CAST: variants seen among roughly 807,000 people sequenced by gnomAD.
CAST encodes the protein calpastatin.
CAST carries 76 observed loss-of-function variants against 119.6 expected under a neutral mutation model. The observed-to-expected ratio is 0.64, with a 90% CI of 0.53 to 0.77. CAST has a LOEUF of 0.77. CAST is among the 30% of genes least tolerant of loss of function. The probability of loss-of-function intolerance (pLI) is 0.00; values close to 1 mark genes in which losing one functional copy is unlikely to be tolerated. For missense variants in CAST, 953 were observed against 946.5 expected (o/e 1.01, Z -0.09); for synonymous variants, 319 against 331.6 (o/e 0.96, Z 0.41).
intron 1 of CAST, among the ~76,000 whole-genome samples, chr5:96,663,931 T>C (rs962192989): frequency 6.8e-5 from 9 of 132,594 alleles, no homozygotes; most frequent in Non-Finnish European, 1.2e-4. Context: ...TAACATTAGA[T>C]TGCTTTCCAA....
the CAST span, among the ~76,000 whole-genome samples, chr5:96,349,097 C>A: frequency 7.6e-6 from 1 of 132,222 alleles, no homozygotes; most frequent in African/African-American, 2.9e-5. Flanking sequence ...TTTTTTTTTT[C>A]TGGTCTCTCT....
At chr5:96,148,627 G>A in the CAST span, among the ~76,000 whole-genome samples, 11 of 152,276 alleles carry the variant, frequency 7.2e-5, no homozygotes, top group African/African-American at 2.4e-4. Flanking sequence ...ATGTGCTTAG[G>A]CCAACACATC....
chr5:96,216,313 C>G, the CAST span, among the ~76,000 whole-genome samples: 3 of 152,058 alleles, frequency 2.0e-5, no homozygotes, highest in Admixed American at 6.6e-5. Flanking sequence ...TCCCCTAACC[C>G]CCACATTGTT....
chr5:96,345,289 T>C, the CAST span, among the ~76,000 whole-genome samples: 1 of 151,946 alleles, frequency 6.6e-6, no homozygotes, highest in African/African-American at 2.4e-5. Flanking sequence ...CCTAACCTAC[T>C]CTTTTTTGAA....
intron 1 of CAST, among the ~76,000 whole-genome samples, chr5:96,591,153 A>G (rs1036556223): frequency 1.1e-4 from 16 of 152,226 alleles, no homozygotes; most frequent in Non-Finnish European, 1.9e-4. Flanking sequence ...GAACAGCAAA[A>G]GAAGAGAAGA....
the CAST span, among the ~76,000 whole-genome samples, chr5:96,050,759 C>A: frequency 6.6e-6 from 1 of 152,070 alleles, no homozygotes; most frequent in African/African-American, 2.4e-5. Context: ...CTCCCTCTTG[C>A]AGCTGTGGGA....
chr5:96,378,001 A>G, the CAST span, among the ~76,000 whole-genome samples: 3 of 152,184 alleles, frequency 2.0e-5, no homozygotes, highest in African/African-American at 7.2e-5. Flanking sequence ...CTATCCTGCC[A>G]TCTGTGACCA....
intron 9 of CAST, among the ~76,000 whole-genome samples, chr5:96,731,678 G>C (rs143965018): frequency 2.1e-5 from 2 of 93,218 alleles, no homozygotes; most frequent in Non-Finnish European, 3.9e-5. Context: ...ACAGTCCCCC[G>C]AGTGTGATAT....
At chr5:96,000,202 T>A in the CAST span, among the ~76,000 whole-genome samples, 1 of 152,162 alleles carries the variant, frequency 6.6e-6, no homozygotes, top group Non-Finnish European at 1.5e-5. Flanking sequence ...GTCTATTGGT[T>A]GTCTTTTTAT....
chr5:96,473,068 A>G, the CAST span, among the ~76,000 whole-genome samples: 41 of 152,256 alleles, frequency 2.7e-4, no homozygotes, highest in East Asian at 7.3e-3. Flanking sequence ...TCTTGTACAG[A>G]CACACTGGAC....
the CAST span, among the ~76,000 whole-genome samples, chr5:96,400,797 T>C: frequency 6.6e-6 from 1 of 152,116 alleles, no homozygotes; most frequent in South Asian, 2.1e-4. Context: ...TTTAGAAGTT[T>C]ACAATCCAGG....
the CAST span, among the ~76,000 whole-genome samples, chr5:96,326,543 C>T: frequency 6.6e-6 from 1 of 152,018 alleles, no homozygotes; most frequent in Non-Finnish European, 1.5e-5. Flanking sequence ...TTTTGGAACC[C>T]CAAACTGTTG....
At chr5:96,354,832 G>C in the CAST span, among the ~76,000 whole-genome samples, 1 of 150,006 alleles carries the variant, frequency 6.7e-6, no homozygotes, top group Non-Finnish European at 1.5e-5. Context: ...TGAAGGTCTA[G>C]TATGCTTTTA....
At chr5:96,392,940 G>A in the CAST span, 2 of 1,561,594 alleles carry the variant, frequency 1.3e-6, no homozygotes, top group Non-Finnish European at 1.8e-6. Context: ...TTCAGACACA[G>A]GCAAAATCGC....
At chr5:96,569,783 C>T (rs966719833) in intron 1 of CAST, among the ~76,000 whole-genome samples, 1 of 152,220 alleles carries the variant, frequency 6.6e-6, no homozygotes, top group African/African-American at 2.4e-5. Flanking sequence ...GAAAAGCACT[C>T]ACAGCTATTA....
the CAST span, chr5:96,391,951 T>C: frequency 6.6e-6 from 1 of 152,218 alleles, no homozygotes; most frequent in Non-Finnish European, 1.5e-5. Context: ...GTGATAGGAT[T>C]GGAGAAGAAC....
At chr5:95,978,333 T>C in the CAST span, among the ~76,000 whole-genome samples, 1 of 152,248 alleles carries the variant, frequency 6.6e-6, no homozygotes, top group Non-Finnish European at 1.5e-5. Context: ...TTTTTAATTA[T>C]AGCCATTCTG....
At chr5:96,397,943 C>A in the CAST span, among the ~76,000 whole-genome samples, 20 of 149,558 alleles carry the variant, frequency 1.3e-4, no homozygotes, top group Non-Finnish European at 2.8e-4. Flanking sequence ...CATTAATAAT[C>A]ATAATTATTT....
At chr5:96,693,312 A>C (rs73774392) in intron 2 of CAST, among the ~76,000 whole-genome samples, 2,590 of 152,358 alleles carry the variant, frequency 0.017, 72 homozygotes, top group African/African-American at 0.059. Context: ...TTCAGCATAT[A>C]AATTAAGTTT....
Sources: allele counts gnomAD v4.1 joint callset (sites outside exome capture counted in the v4.1 genomes callset), GRCh38; gene constraint gnomAD v4.1.1; transcripts MANE v1.5; gene names NCBI Gene and HGNC (gene_info 2026-07-23, HGNC 2026-07-21).